Variants in BAHD1 observed in about 807,000 individuals in gnomAD.
The protein encoded by BAHD1 is bromo adjacent homology domain containing 1.
BAHD1 carries 20 observed loss-of-function variants against 63.1 expected under a neutral mutation model. That is an observed-to-expected ratio of 0.32 (90% CI 0.22 to 0.46). BAHD1 has a LOEUF of 0.46. Ranked by LOEUF, BAHD1 falls within the 20% of genes least tolerant of loss-of-function variation. The pLI is 1.00. For missense variants in BAHD1, 939 were observed against 1,071.8 expected (o/e 0.88, Z 1.73); for synonymous variants, 408 against 426.8 (o/e 0.96, Z 0.54).
chr15:40,459,959 G>T (rs1305602683), intron 2 of BAHD1, 63 bp downstream of exon 2: 5 of 1,501,784 alleles, frequency 3.3e-6, no homozygotes, highest in Non-Finnish European at 4.4e-6. Context: ...CCAGGAGGTT[G>T]GGCTGTTGAT....
chr15:40,468,137 A>C lies in BAHD1; in HGVS notation c.*2007A>C, dbSNP rs917387453. On this transcript the variant is annotated 3_prime_UTR_variant, in exon 7 of 7. Coordinates refer to ENST00000416165, the MANE Select transcript of BAHD1 (RefSeq NM_014952.5). ...CCAGATCTGTATTTCAGTGTTTACA[A>C]GGGAGGAAGGACCTTTCCTCACCTC... is the stretch of plus-strand genomic sequence containing the variant. The C allele has an allele frequency of 5.9e-5, 9 of 152,630 alleles. No homozygotes were observed. The highest frequency in any genetic ancestry group is 1.3e-4 in the Non-Finnish European group (9 of 68,026). 9.5% of individuals were successfully genotyped at this position (152,630 alleles called of 1,614,324 possible). A position where few individuals can be genotyped will look rare whatever the true frequency, so the allele number is the denominator to read the frequency against.
At chr15:40,462,410 G>C in intron 3 of BAHD1, 116 bp downstream of exon 3, 1 of 1,392,550 alleles carries the variant, frequency 7.2e-7, no homozygotes, top group East Asian at 2.3e-5. Context: ...GCTGACAAGG[G>C]ACTCCAGTTT....
chr15:40,444,005 C>T (rs1893470552), intron 1 of BAHD1, among the ~76,000 whole-genome samples: 1 of 152,172 alleles, frequency 6.6e-6, no homozygotes, highest in Non-Finnish European at 1.5e-5. Context: ...CATAGTCATC[C>T]CCGCCTGAGC....
At chr15:40,447,480 T>C (rs544825373) in intron 1 of BAHD1, among the ~76,000 whole-genome samples, 21 of 151,676 alleles carry the variant, frequency 1.4e-4, no homozygotes, top group African/African-American at 4.8e-4. Context: ...GACAGGAGAA[T>C]TGTTTGAACC....
In BAHD1 at chr15:40,459,234, A is replaced by C. The variant is rs866908417; in HGVS notation, c.770A>C (p.Tyr257Ser). Residue 257 changes from tyrosine to serine, a missense_variant, in exon 2 of 7, where the codon TAT becomes TCT. Tyr to Ser is a moderately radical substitution (Grantham distance 144). Transcript: ENST00000416165. ...TGGCCCAAGGTCAATGGCAAGAACT[A>C]TCCCAAGGCTTGGCAGGGGGCCAGC... is the stretch of plus-strand genomic sequence containing the variant. ...PKWPKVNGKN[Y>S]PKAWQGASSG... 1.1e-5 allele frequency: 17 copies of C among 1,612,300 alleles called. No individual in the cohort carries two copies. The African/African-American group carries it at 1.9e-4, about 18-fold the overall frequency.
chr15:40,444,320 G>C (rs1412638801), intron 1 of BAHD1, among the ~76,000 whole-genome samples: 1 of 152,152 alleles, frequency 6.6e-6, no homozygotes, highest in Non-Finnish European at 1.5e-5. Context: ...GGCATGTTTG[G>C]GGTGCTGTAA....
At chr15:40,439,101 T>C (rs1195207349), upstream of BAHD1, among the ~76,000 whole-genome samples, 1 of 152,180 alleles carries the variant, frequency 6.6e-6, no homozygotes, top group Non-Finnish European at 1.5e-5. Context: ...CTCTGTCCTG[T>C]CCAGGAAGGG....
intron 1 of BAHD1, among the ~76,000 whole-genome samples, chr15:40,442,919 G>A (rs1350401702): frequency 1.3e-5 from 2 of 152,188 alleles, no homozygotes; most frequent in Non-Finnish European, 2.9e-5. Flanking sequence ...GGCCAGCTTG[G>A]AGGATGCTTA....
chr15:40,440,932 G>C (rs1387072329), upstream of BAHD1, among the ~76,000 whole-genome samples: 1 of 152,092 alleles, frequency 6.6e-6, no homozygotes. Context: ...GAAGGAGGGC[G>C]GCGGAGGCTC....
rs1894196474 is a variant in BAHD1 at position 40,466,107 on chromosome 15, C to T, written c.2320C>T (p.Arg774Cys). ...CCATGTCTATGACTTCCGCCACGGGCGCATCCTTAAGAACCCCCAGTAGCC... is the reference window on the plus strand; with the variant it reads ...CCATGTCTATGACTTCCGCCACGGGTGCATCCTTAAGAACCCCCAGTAGCC... ...CRHVYDFRHG[R>C]ILKNPQ The change falls in exon 7 of 7, where the codon CGC becomes TGC. Residue 774 changes from arginine to cysteine, a missense_variant. This residue lies in a region of BAHD1 where 68 missense variants were observed against 86.2 expected (regional missense o/e 0.79). Coordinates refer to ENST00000416165, the MANE Select transcript of BAHD1 (RefSeq NM_014952.5). 1.9e-6 allele frequency: 3 copies of T among 1,613,470 alleles called. No homozygotes were observed. The highest frequency in any genetic ancestry group is 1.3e-5 in the African/African-American group (1 of 74,934).
At chr15:40,462,351 C>A in intron 3 of BAHD1, 57 bp downstream of exon 3, 1 of 1,547,738 alleles carries the variant, frequency 6.5e-7, no homozygotes, top group Non-Finnish European at 8.8e-7. Context: ...GGACACATGA[C>A]CTGCAGTGAG....
At chr15:40,442,000 C>A (rs984883418) in intron 1 of BAHD1, among the ~76,000 whole-genome samples, 1 of 151,764 alleles carries the variant, frequency 6.6e-6, no homozygotes, top group African/African-American at 2.4e-5. Context: ...CTGCGGGGAC[C>A]TTGCGGGGCG....
At chr15:40,451,820 CAT>C (rs928660366) in intron 1 of BAHD1, among the ~76,000 whole-genome samples, 15 of 152,256 alleles carry the variant, frequency 9.9e-5, no homozygotes, top group African/African-American at 3.1e-4. Context: ...CTTATGCACA[CAT>C]GAGTTGTGTA....
At position 40,458,699 on chromosome 15, in the gene BAHD1, A is replaced by T; in HGVS notation, c.235A>T (p.Asn79Tyr). 1.2e-6 allele frequency: 2 copies of T among 1,613,762 alleles called. No individual in the cohort carries two copies. Among genetic ancestry groups the T allele is most frequent in the Non-Finnish European group, 1.7e-6 (2 of 1,179,998 alleles). Reference protein sequence around the residue: ...ACKVLLTRLENVAGPRSADEA... With the variant: ...ACKVLLTRLEYVAGPRSADEA... ...CAAAGTGCTGCTGACTCGCCTGGAG[A>T]ATGTGGCCGGTCCCCGGAGTGCAGA... The change falls in exon 2 of 7, where the codon AAT (asparagine) becomes TAT (tyrosine). Residue 79 changes from asparagine to tyrosine, a missense_variant. By Grantham distance (143) the Asn-to-Tyr change is moderately radical. Around this residue, in one of 5 missense-constraint regions of BAHD1, gnomAD observed 797 missense variants for 813.3 expected, o/e 0.98. Coordinates refer to ENST00000416165, the MANE Select transcript of BAHD1 (RefSeq NM_014952.5). The surrounding 1 kb of genome is among the most constrained non-coding windows in gnomAD (Gnocchi z 4.7).
At chr15:40,464,147 C>G (rs947594301) in intron 4 of BAHD1, 127 bp downstream of exon 4, 3 of 1,165,442 alleles carry the variant, frequency 2.6e-6, no homozygotes, top group Non-Finnish European at 3.6e-6. Flanking sequence ...CAGAGTCTGC[C>G]TTCCACTCGG....
chr15:40,454,912 T>TC (rs1441181098), intron 1 of BAHD1, among the ~76,000 whole-genome samples: 3 of 152,118 alleles, frequency 2.0e-5, no homozygotes, highest in Non-Finnish European at 4.4e-5. Context: ...AGCTGGGCCA[T>TC]CCCTTGTGGT....
Position 40,461,970 on chromosome 15 carries a change from C to A in BAHD1, c.1491C>A (p.Ala497=). Residue 497 remains alanine (A), a synonymous_variant, in exon 3 of 7, where the codon GCC becomes GCA. Coordinates refer to ENST00000416165, the MANE Select transcript of BAHD1 (RefSeq NM_014952.5). ...EFPLPEAGHP[A]SPAHPLLGCP... is the part of the protein sequence containing the mutation. The stretch of plus-strand genomic sequence containing the variant: ...CTCTCCCGGAAGCTGGCCACCCAGC[C>A]TCACCCGCCCACCCACTCCTGGGGT... 1 of 1,611,976 alleles carries A rather than the reference C, an allele frequency of 6.2e-7. No individual in the cohort carries two copies. Among genetic ancestry groups the A allele is most frequent in the South Asian group, 1.1e-5 (1 of 90,984 alleles).
rs369242308 is a variant in BAHD1 at position 40,450,336 on chromosome 15, A to AG, written c.-14-8113dup. On this transcript the variant is annotated intron_variant, in intron 1 of 6. Coordinates refer to ENST00000416165, the MANE Select transcript of BAHD1 (RefSeq NM_014952.5). ...GTTAGTGCTCTGCTGAGGAGGCTGG[A>AG]GGCAGAGCTCCATCTTGGCCTGGCT... Among the ~76,000 whole-genome samples the AG allele has an allele frequency of 6.9e-3, 1,046 of 152,310 alleles. 11 individuals carry two copies. The highest frequency in any genetic ancestry group is 0.024 in the African/African-American group (1,003 of 41,562).
At chr15:40,453,944 G>A (rs2141502218) in intron 1 of BAHD1, 1 of 152,392 alleles carries the variant, frequency 6.6e-6, no homozygotes, top group South Asian at 2.1e-4. Flanking sequence ...CTGCACTCCA[G>A]CCTGAGCAAC....
Sources: allele counts gnomAD v4.1 joint callset (sites outside exome capture counted in the v4.1 genomes callset), GRCh38; gene constraint gnomAD v4.1.1; regional missense constraint gnomAD v4.1.1; non-coding constraint Gnocchi (gnomAD v3.1); transcripts MANE v1.5; gene names NCBI Gene and HGNC (gene_info 2026-07-23, HGNC 2026-07-21).